Variants in DPY19L2 observed in about 807,000 individuals in gnomAD.
DPY19L2 encodes dpy-19 like 2, also known as probable C-mannosyltransferase DPY19L2.
In DPY19L2, 34 loss-of-function variants were observed where a neutral mutation model predicts 97.9. The observed-to-expected ratio is 0.35, with a 90% CI of 0.26 to 0.46. The LOEUF (loss-of-function observed/expected upper bound fraction) is 0.46, where lower values mean the gene tolerates loss of function less well. Ranked by LOEUF, DPY19L2 falls within the 20% of genes least tolerant of loss-of-function variation. DPY19L2 has a pLI of 1.00. For missense variants in DPY19L2, 623 were observed against 911.4 expected (o/e 0.68, Z 4.07); for synonymous variants, 230 against 307.9 (o/e 0.75, Z 2.65).
Position 63,668,325 on chromosome 12 carries a change from G to T in DPY19L2, c.69C>A (p.Arg23=). ...CCGGCTCCCGGGCGAGGGAGGCCCC[G>T]CGCCGCCCCTTAGACTGGCTGCGGC... The part of the protein sequence containing the change: ...SSGRSQSKGR[R]GASLAREPEV... Residue 23 remains arginine (R), a synonymous_variant, in exon 1 of 22, where the codon CGC becomes CGA. Transcript: ENST00000324472. The T allele has an allele frequency of 6.2e-7, 1 of 1,613,874 alleles. No homozygotes were observed. Among genetic ancestry groups the T allele is most frequent in the South Asian group, 1.1e-5 (1 of 91,064 alleles).
chr12:63,606,013 TAGATTCATTC>T (rs1175310808), intron 12 of DPY19L2, among the ~76,000 whole-genome samples: 1 of 152,182 alleles, frequency 6.6e-6, no homozygotes, highest in Non-Finnish European at 1.5e-5. Flanking sequence ...TGTATTTTGT[TAGATTCATTC>T]AGATCCTATG....
chr12:63,583,967 T>C (rs1047165740), intron 16 of DPY19L2, 131 bp from the exon 17 acceptor site: 12 of 621,128 alleles, frequency 1.9e-5, no homozygotes, highest in African/African-American at 1.9e-4. Flanking sequence ...CGAAAATACA[T>C]AAAAATAAAA....
intron 8 of DPY19L2, among the ~76,000 whole-genome samples, chr12:63,621,635 AAGG>A (rs1219700207): frequency 5.9e-5 from 9 of 152,164 alleles, no homozygotes; most frequent in Non-Finnish European, 1.0e-4. Flanking sequence ...TTACTCCAGC[AAGG>A]AGGTCAGAAA....
intron 5 of DPY19L2, among the ~76,000 whole-genome samples, chr12:63,645,816 T>G (rs1893333543): frequency 6.6e-6 from 1 of 152,076 alleles, no homozygotes; most frequent in Admixed American, 6.6e-5. Context: ...TGGCCTCCCT[T>G]AACCTACTTT....
At chr12:63,594,464 A>AGTGTGTGTGTGTGTGTGTGT (rs539673870) in intron 15 of DPY19L2, among the ~76,000 whole-genome samples, 1,610 of 124,790 alleles carry the variant, frequency 0.013, 52 homozygotes, top group African/African-American at 0.033. Flanking sequence ...AGAGAGAGAT[A>AGTGTGTGTGTGTGTGTGTGT]GTGTGTGTGT....
intron 19 of DPY19L2, among the ~76,000 whole-genome samples, chr12:63,573,239 A>T (rs1316551262): frequency 1.3e-5 from 2 of 152,098 alleles, no homozygotes; most frequent in African/African-American, 4.8e-5. Flanking sequence ...TATCAGATAA[A>T]GTTAACAAAT....
intron 21 of DPY19L2, among the ~76,000 whole-genome samples, chr12:63,565,416 T>C (rs1396191504): frequency 6.6e-6 from 1 of 152,304 alleles, no homozygotes; most frequent in East Asian, 1.9e-4. Context: ...TGTGGCCTTA[T>C]ATCACTCCAA....
intron 6 of DPY19L2, among the ~76,000 whole-genome samples, chr12:63,632,347 G>C (rs1351144795): frequency 6.6e-6 from 1 of 152,172 alleles, no homozygotes; most frequent in Non-Finnish European, 1.5e-5. Context: ...TCCTTAAGCT[G>C]ATAGGCAACT....
At chr12:63,630,517 C>G (rs866430006) in intron 6 of DPY19L2, among the ~76,000 whole-genome samples, 6 of 152,240 alleles carry the variant, frequency 3.9e-5, no homozygotes, top group Non-Finnish European at 8.8e-5. Context: ...GAAGAGCTAA[C>G]TGTCCTAAAT....
intron 6 of DPY19L2, among the ~76,000 whole-genome samples, chr12:63,637,174 C>T (rs1891868184): frequency 6.6e-6 from 1 of 152,108 alleles, no homozygotes; most frequent in Admixed American, 6.6e-5. Flanking sequence ...ATAACCTGCT[C>T]CTGAATGACT....
intron 6 of DPY19L2, among the ~76,000 whole-genome samples, chr12:63,628,536 C>A (rs1261442185): frequency 2.6e-5 from 4 of 152,108 alleles, no homozygotes; most frequent in Non-Finnish European, 5.9e-5. Flanking sequence ...CCCACCATGG[C>A]CAAGGCTTGA....
At chr12:63,587,684 T>C (rs1882041631) in intron 16 of DPY19L2, among the ~76,000 whole-genome samples, 1 of 151,838 alleles carries the variant, frequency 6.6e-6, no homozygotes, top group African/African-American at 2.4e-5. Context: ...GCGATTCTCC[T>C]GCCTCAGCCT....
At chr12:63,665,437 C>CA (rs1896216482) in intron 2 of DPY19L2, among the ~76,000 whole-genome samples, 4 of 150,434 alleles carry the variant, frequency 2.7e-5, no homozygotes, top group Admixed American at 2.0e-4. Flanking sequence ...CACGCCACTG[C>CA]ACTCTAGCCT....
chr12:63,633,874 T>C (rs1443479743), intron 6 of DPY19L2, among the ~76,000 whole-genome samples: 2 of 152,196 alleles, frequency 1.3e-5, no homozygotes, highest in African/African-American at 4.8e-5. Flanking sequence ...CATGGAATAC[T>C]ATGCAGCCAT....
intron 19 of DPY19L2, among the ~76,000 whole-genome samples, chr12:63,575,848 G>C (rs1403392735): frequency 3.9e-5 from 6 of 151,906 alleles, no homozygotes; most frequent in Non-Finnish European, 5.9e-5. Context: ...CTTCACTGCT[G>C]AATTTTATCA....
chr12:63,593,052 C>G (rs540056164), intron 16 of DPY19L2, among the ~76,000 whole-genome samples: 4,209 of 151,790 alleles, frequency 0.028, 212 homozygotes, highest in African/African-American at 0.096. Flanking sequence ...CTCATCATCA[C>G]TGGCCATCAG....
chr12:63,664,074 T>G (rs1435465627), intron 2 of DPY19L2, among the ~76,000 whole-genome samples: 1 of 152,134 alleles, frequency 6.6e-6, no homozygotes, highest in African/African-American at 2.4e-5. Context: ...CGTTGCCTCA[T>G]GCCTGTAATC....
chr12:63,662,232 A>G (rs550944645), intron 3 of DPY19L2, among the ~76,000 whole-genome samples: 22 of 152,234 alleles, frequency 1.4e-4, no homozygotes, highest in African/African-American at 5.3e-4. Flanking sequence ...CTAAAATCTA[A>G]AAGCAAAAAA....
intron 6 of DPY19L2, among the ~76,000 whole-genome samples, chr12:63,630,016 T>C (rs11175077): frequency 0.028 from 4,335 of 152,132 alleles, 236 homozygotes; most frequent in African/African-American, 0.098. Context: ...AAGCAAATGC[T>C]GAGAGATTTT....
Sources: gnomAD v4.1 joint callset for allele counts (sites outside exome capture counted in the v4.1 genomes callset) on GRCh38, gnomAD v4.1.1 for gene constraint, MANE v1.5 for transcripts, NCBI Gene and HGNC (gene_info 2026-07-23, HGNC 2026-07-21) for gene names.